Variants in SERPINB5 observed in about 807,000 individuals in gnomAD.
SERPINB5 encodes serpin B5.
Under a neutral mutation model 32.2 loss-of-function variants are expected in SERPINB5, and 27 were observed. The observed-to-expected ratio is 0.84, with a 90% CI of 0.62 to 1.16. SERPINB5 has a LOEUF of 1.16. Ranked by LOEUF, SERPINB5 falls within the 50% of genes most tolerant of loss-of-function variation. The pLI is 0.00. For synonymous variants in SERPINB5, 154 were observed against 157.4 expected, an observed-to-expected ratio of 0.98 and a Z score of 0.16; for missense variants, 388 against 436.3, an observed-to-expected ratio of 0.89 and a Z score of 0.99.
At chr18:63,489,269 T>C in intron 3 of SERPINB5, 78 bp from the exon 4 acceptor site, 8 of 805,068 alleles carry the variant, frequency 9.9e-6, no homozygotes, top group Middle Eastern at 2.4e-4. Context: ...TGATATTTAA[T>C]AATCCTTTTG....
At chr18:63,493,135 A>G (rs759796535) in intron 5 of SERPINB5, 40 bp downstream of exon 5, 2 of 1,613,396 alleles carry the variant, frequency 1.2e-6, no homozygotes, top group African/African-American at 2.7e-5. Flanking sequence ...GAGCCCAATT[A>G]TAGATGTGAA....
At chr18:63,485,136 C>A (rs972412148) in intron 2 of SERPINB5, among the ~76,000 whole-genome samples, 1 of 152,136 alleles carries the variant, frequency 6.6e-6, no homozygotes, top group African/African-American at 2.4e-5. Flanking sequence ...ACAGCTTTTT[C>A]ATTCTGACTT....
intron 5 of SERPINB5, chr18:63,497,322 G>T (rs925297781): frequency 1.6e-6 from 2 of 1,278,208 alleles, no homozygotes; most frequent in Non-Finnish European, 2.3e-6. Flanking sequence ...TCTCCTATGC[G>T]ATTCTGGGCT....
At chr18:63,491,812 G>A (rs6567363) in intron 4 of SERPINB5, among the ~76,000 whole-genome samples, 111,194 of 152,000 alleles carry the variant, frequency 0.73, 41,482 homozygotes, top group African/African-American at 0.89. Context: ...GAGGCTCAGG[G>A]TTGAAGTTGA....
At chr18:63,502,801 T>C (rs1909596513) in intron 6 of SERPINB5, among the ~76,000 whole-genome samples, 1 of 152,090 alleles carries the variant, frequency 6.6e-6, no homozygotes, top group African/African-American at 2.4e-5. Flanking sequence ...GGCACATCAC[T>C]TGAAGCCAGG....
chr18:63,494,744 T>C (rs950559446), intron 5 of SERPINB5, among the ~76,000 whole-genome samples: 1 of 152,192 alleles, frequency 6.6e-6, no homozygotes, highest in African/African-American at 2.4e-5. Flanking sequence ...TTATTCATAC[T>C]CTCCCCTGTC....
At position 63,486,938 on chromosome 18, in the gene SERPINB5, C is replaced by T. The variant is rs1184870537; in HGVS notation, c.169-8C>T. 17 of 1,613,466 alleles carry T rather than the reference C, an allele frequency of 1.1e-5. 1 individual carries two copies. The highest frequency in any genetic ancestry group is 6.6e-5 in the South Asian group (6 of 91,038). ...TGCTTTTTGGGTAACGGATTTTTCTCTTAACAGGTTCTTCATTTTGAAAAT... is the reference window on the plus strand; with the variant it reads ...TGCTTTTTGGGTAACGGATTTTTCTTTTAACAGGTTCTTCATTTTGAAAAT... On this transcript the variant is annotated splice_polypyrimidine_tract_variant and splice_region_variant and intron_variant, in intron 2 of 6. Coordinates refer to ENST00000382771, the MANE Select transcript of SERPINB5 (RefSeq NM_002639.5).
chr18:63,480,215 G>A (rs750562228), intron 1 of SERPINB5, among the ~76,000 whole-genome samples: 6 of 152,330 alleles, frequency 3.9e-5, no homozygotes, highest in East Asian at 1.9e-4. Context: ...CACAGATTGC[G>A]AAAGCAAGGT....
Position 63,498,566 on chromosome 18 carries a change from A to G in SERPINB5, c.568-554A>G, listed in dbSNP as rs765371538. Reference sequence around the variant, plus strand: ...TTTTTAAGGTTTGATCTATGCAAATACAGTATTATATATACTTCATGTAAT... The same window carrying G: ...TTTTTAAGGTTTGATCTATGCAAATGCAGTATTATATATACTTCATGTAAT... On this transcript the variant is annotated intron_variant, in intron 5 of 6. Transcript: ENST00000382771. The surrounding 1 kb of genome is among the most constrained non-coding windows in gnomAD (Gnocchi z 4.2). Among the ~76,000 whole-genome samples, 1 of 152,192 alleles carries G rather than the reference A, an allele frequency of 6.6e-6. No homozygotes were observed. The highest frequency in any genetic ancestry group is 6.5e-5 in the Admixed American group (1 of 15,278).
At chr18:63,486,702 G>A (rs1422597761) in intron 2 of SERPINB5, 1 of 357,796 alleles carries the variant, frequency 2.8e-6, no homozygotes, top group East Asian at 4.2e-5. Context: ...CAAATAGGAG[G>A]AGGATGCCAC....
chr18:63,491,901 A>G (rs1025720165), intron 4 of SERPINB5, among the ~76,000 whole-genome samples: 1 of 152,230 alleles, frequency 6.6e-6, no homozygotes, highest in African/African-American at 2.4e-5. Flanking sequence ...TTAACATATT[A>G]TATAGCATTG....
At chr18:63,484,741 C>CATTTTTTTTTTT (rs1917178681) in intron 2 of SERPINB5, 145 bp downstream of exon 2, 2 of 108,198 alleles carry the variant, frequency 1.8e-5, no homozygotes, top group Non-Finnish European at 3.4e-5. Flanking sequence ...CTCTCTTAAT[C>CATTTTTTTTTTT]TTTTTTTTTT....
Position 63,503,222 on chromosome 18 carries a change from G to T in SERPINB5, c.736-108G>T, listed in dbSNP as rs1467426338. ...TGGGCCATCTTTGATGTTCCACCCA[G>T]ACTGCTTTGAAGCTGGGCTTATCAT... is the stretch of plus-strand genomic sequence containing the variant. On this transcript the variant is annotated intron_variant, in intron 6 of 6. Coordinates refer to ENST00000382771, the MANE Select transcript of SERPINB5 (RefSeq NM_002639.5). 2.8e-5 allele frequency: 35 copies of T among 1,267,308 alleles called. No homozygotes were observed. In the South Asian group the frequency reaches 4.2e-4, roughly 15 times the overall value. The allele number at this position is 1,267,308 out of a possible 1,614,324, so 78.5% of individuals were successfully genotyped here.
chr18:63,490,871 G>A (rs1909318968), intron 4 of SERPINB5: 1 of 152,116 alleles, frequency 6.6e-6, no homozygotes, highest in African/African-American at 2.4e-5. Flanking sequence ...GGTGGTTTTT[G>A]GTTACATGGA....
chr18:63,491,397 C>T (rs1386905386), intron 4 of SERPINB5, among the ~76,000 whole-genome samples: 4 of 106,614 alleles, frequency 3.8e-5, no homozygotes, highest in Admixed American at 1.1e-4. Context: ...AGAGAAACTG[C>T]GTCTCCCAAA....
At chr18:63,485,861 C>T (rs1387685759) in intron 2 of SERPINB5, 7 of 152,846 alleles carry the variant, frequency 4.6e-5, no homozygotes, top group African/African-American at 1.4e-4. Flanking sequence ...GACAATGTGC[C>T]GGTTTGGCAG....
At chr18:63,486,124 T>G (rs1214140687) in intron 2 of SERPINB5, 1 of 152,194 alleles carries the variant, frequency 6.6e-6, no homozygotes, top group Non-Finnish European at 1.5e-5. Flanking sequence ...CATATAATAT[T>G]TTACGTGTTT....
intron 1 of SERPINB5, among the ~76,000 whole-genome samples, chr18:63,477,500 C>G (rs1309992814): frequency 6.6e-6 from 1 of 152,148 alleles, no homozygotes; most frequent in African/African-American, 2.4e-5. Context: ...TGGCTCTTCT[C>G]CCTGGCTGAC....
rs113730193 is a variant in SERPINB5 at position 63,491,401 on chromosome 18, T to TCCCC, written c.425-1549_425-1548insCCCC. Among the ~76,000 whole-genome samples the TCCCC allele has an allele frequency of 2.3e-3, 82 of 35,952 alleles. 8 individuals are homozygous for TCCCC. The highest frequency in any genetic ancestry group is 3.2e-3 in the Non-Finnish European group (53 of 16,586). 23.6% of individuals were successfully genotyped at this position (35,952 alleles called of 152,430 possible). On this transcript the variant is annotated intron_variant, in intron 4 of 6. Coordinates refer to ENST00000382771, the MANE Select transcript of SERPINB5 (RefSeq NM_002639.5). Reference sequence around the variant, plus strand: ...TGGGTGAGAAGAGAGAAACTGCGTCTCCCAAAAAAAAAAAAAAAAAAAAAA... The same window carrying TCCCC: ...TGGGTGAGAAGAGAGAAACTGCGTCTCCCCCCCAAAAAAAAAAAAAAAAAAAAAA...
Sources: allele counts gnomAD v4.1 joint callset (sites outside exome capture counted in the v4.1 genomes callset), GRCh38; gene constraint gnomAD v4.1.1; non-coding constraint Gnocchi (gnomAD v3.1); transcripts MANE v1.5; gene names NCBI Gene and HGNC (gene_info 2026-07-23, HGNC 2026-07-21).